Variants in TCF4 observed in about 807,000 individuals in gnomAD.
TCF4 encodes the protein SL3-3 enhancer factor 2.
In TCF4, 3 loss-of-function variants were observed where a neutral mutation model predicts 82.1. The ratio of observed to expected loss-of-function variants is 0.04; its 90% confidence interval spans 0.02 to 0.09. TCF4 has a LOEUF of 0.09. TCF4 is among the 10% of genes least tolerant of loss of function. The pLI is 1.00. For synonymous variants in TCF4, 276 were observed against 309.6 expected (o/e 0.89, Z 1.14); for missense variants, 518 against 852.7 (o/e 0.61, Z 4.89).
chr18:55,574,547 C>G (rs547196879), intron 3 of TCF4, among the ~76,000 whole-genome samples: 116 of 152,218 alleles, frequency 7.6e-4, no homozygotes, highest in Non-Finnish European at 1.4e-3. Flanking sequence ...TCATGTTGGC[C>G]AGGCTGGTCT....
At chr18:55,277,799 G>A (rs928853913) in intron 9 of TCF4, among the ~76,000 whole-genome samples, 3 of 152,102 alleles carry the variant, frequency 2.0e-5, no homozygotes, top group East Asian at 1.9e-4. Context: ...GTTTTCAATC[G>A]AAATCTGTTT....
intron 15 of TCF4, among the ~76,000 whole-genome samples, chr18:55,251,187 T>C (rs1023777354): frequency 1.3e-5 from 2 of 152,126 alleles, no homozygotes; most frequent in Admixed American, 6.6e-5. Context: ...AGCTAAGGAA[T>C]TGGTCTTTAT....
intron 6 of TCF4, among the ~76,000 whole-genome samples, chr18:55,380,753 T>C (rs1359453938): frequency 6.6e-6 from 1 of 152,244 alleles, no homozygotes; most frequent in African/African-American, 2.4e-5. Flanking sequence ...AATCTCAAGC[T>C]ACCAATGGTT....
At chr18:55,392,460 C>CCCAA (rs2093203473) in intron 6 of TCF4, among the ~76,000 whole-genome samples, 1 of 87,280 alleles carries the variant, frequency 1.1e-5, no homozygotes, top group African/African-American at 4.6e-5. Context: ...CCAACAACCC[C>CCCAA]ACAAAAAAAA....
Position 55,503,032 on chromosome 18 carries a change from T to C in TCF4, c.146-38895A>G, listed in dbSNP as rs559999765. ...CCTTACCAATGGATATGAATTACTT[T>C]TGATTTATCCTTATTCATTCTAAAT... On this transcript the variant is annotated intron_variant, in intron 3 of 19. Coordinates refer to ENST00000354452, the MANE Select transcript of TCF4 (RefSeq NM_001083962.2). Among the ~76,000 whole-genome samples the C allele has an allele frequency of 3.3e-5, 5 of 152,328 alleles. No individual in the cohort carries two copies. In the South Asian group the frequency reaches 8.3e-4, roughly 25 times the overall value.
intron 5 of TCF4, among the ~76,000 whole-genome samples, chr18:55,453,593 T>C (rs1184310081): frequency 6.6e-6 from 1 of 152,122 alleles, no homozygotes; most frequent in African/African-American, 2.4e-5. Context: ...CTAAATGTTA[T>C]ACGACTTGGA....
At chr18:55,449,635 G>T (rs543136939) in intron 5 of TCF4, among the ~76,000 whole-genome samples, 1 of 152,280 alleles carries the variant, frequency 6.6e-6, no homozygotes, top group East Asian at 1.9e-4. Flanking sequence ...TGAGGAAAAG[G>T]CACGGCCAGT....
At chr18:55,632,417 A>G (rs1357759255) in intron 1 of TCF4, among the ~76,000 whole-genome samples, 3 of 152,236 alleles carry the variant, frequency 2.0e-5, no homozygotes, top group Non-Finnish European at 4.4e-5. Flanking sequence ...CAGGGAATAG[A>G]GACAAGAATC....
At chr18:55,350,775 G>T in intron 7 of TCF4, 99 bp downstream of exon 7, 1 of 1,557,358 alleles carries the variant, frequency 6.4e-7, no homozygotes, top group Non-Finnish European at 8.8e-7. Flanking sequence ...GTTTTCTTGG[G>T]GTGGGAGGTA....
At chr18:55,586,997 GT>G (rs1180127308) in intron 2 of TCF4, 47 bp downstream of exon 2, 5 of 1,557,192 alleles carry the variant, frequency 3.2e-6, no homozygotes, top group Non-Finnish European at 4.4e-6. Context: ...TTGGGTTTTT[GT>G]TTTGTTTTTT....
rs149413910 is a variant in TCF4 at position 55,238,664 on chromosome 18, C to G, written c.1351-3981G>C. Among the ~76,000 whole-genome samples the G allele has an allele frequency of 1.2e-3, 189 of 152,186 alleles. 1 individual carries two copies. Among genetic ancestry groups the G allele is most frequent in the African/African-American group, 4.5e-3 (185 of 41,442 alleles). ...TCAGAGAGCTCTTGGGAACCGAATG[C>G]CACTCCTCGCCTCTGCTGGGCTATT... is the stretch of plus-strand genomic sequence containing the variant. On this transcript the variant is annotated intron_variant, in intron 15 of 19. Coordinates refer to ENST00000354452, the MANE Select transcript of TCF4 (RefSeq NM_001083962.2).
intron 3 of TCF4, among the ~76,000 whole-genome samples, chr18:55,540,791 G>C (rs1603620306): frequency 6.6e-6 from 1 of 151,780 alleles, no homozygotes; most frequent in Non-Finnish European, 1.5e-5. Flanking sequence ...ATTGTTTTTT[G>C]ATATTTCAGG....
chr18:55,432,639 C>T (rs1374651129), intron 5 of TCF4, among the ~76,000 whole-genome samples: 1 of 152,180 alleles, frequency 6.6e-6, no homozygotes, highest in African/African-American at 2.4e-5. Context: ...AAACTCACTC[C>T]TCTACTCGCC....
At chr18:55,599,407 A>C (rs2097694362) in intron 2 of TCF4, among the ~76,000 whole-genome samples, 1 of 152,110 alleles carries the variant, frequency 6.6e-6, no homozygotes, top group South Asian at 2.1e-4. Flanking sequence ...ATTATACTTA[A>C]CACAAAAACT....
At chr18:55,608,217 AT>A (rs1446265770) in intron 2 of TCF4, among the ~76,000 whole-genome samples, 1 of 152,152 alleles carries the variant, frequency 6.6e-6, no homozygotes, top group African/African-American at 2.4e-5. Flanking sequence ...ATATACTGAT[AT>A]TTTGAGGGGT....
chr18:55,544,482 T>C (rs73960138), intron 3 of TCF4, among the ~76,000 whole-genome samples: 2 of 152,308 alleles, frequency 1.3e-5, no homozygotes, highest in East Asian at 1.9e-4. Context: ...TACTTAGAGA[T>C]AAGATCATTT....
chr18:55,453,239 G>GA (rs2095661701), intron 5 of TCF4, among the ~76,000 whole-genome samples: 1 of 8,894 alleles, frequency 1.1e-4, no homozygotes, highest in African/African-American at 1.3e-4. Context: ...AAGAAGCTGT[G>GA]ACCCCCATCT....
At position 55,475,422 on chromosome 18, in the gene TCF4, T is replaced by C. The variant is rs1181769172; in HGVS notation, c.146-11285A>G. Reference sequence around the variant, plus strand: ...TGATGGCATGTTGGTCTGCCCCTCATGTGCTATGCCAATTTTGATCACCTG... The same window carrying C: ...TGATGGCATGTTGGTCTGCCCCTCACGTGCTATGCCAATTTTGATCACCTG... On this transcript the variant is annotated intron_variant, in intron 3 of 19. Coordinates refer to ENST00000354452, the MANE Select transcript of TCF4 (RefSeq NM_001083962.2). 2.6e-5 allele frequency among the ~76,000 whole-genome samples: 4 copies of C among 152,336 alleles called. No homozygotes were observed. The East Asian group carries it at 5.8e-4, about 22-fold the overall frequency.
chr18:55,515,854 T>C (rs899940407), intron 3 of TCF4, among the ~76,000 whole-genome samples: 1 of 152,130 alleles, frequency 6.6e-6, no homozygotes, highest in East Asian at 1.9e-4. Flanking sequence ...TAAAAATCCA[T>C]CTTTAATTTT....
Sources: allele counts gnomAD v4.1 joint callset (sites outside exome capture counted in the v4.1 genomes callset), GRCh38; gene constraint gnomAD v4.1.1; transcripts MANE v1.5; gene names NCBI Gene and HGNC (gene_info 2026-07-23, HGNC 2026-07-21).